Variants in ESYT3 observed in about 807,000 individuals in gnomAD.
The protein encoded by ESYT3 is extended synaptotagmin 3.
In ESYT3, 101 loss-of-function variants were observed where a neutral mutation model predicts 111.5. The ratio of observed to expected loss-of-function variants is 0.91; its 90% CI spans 0.77 to 1.07. The LOEUF is 1.07. ESYT3 is among the 50% of genes least tolerant of loss of function. The probability of loss-of-function intolerance (pLI) is 0.00; values close to 1 mark genes in which losing one functional copy is unlikely to be tolerated. For synonymous variants in ESYT3, 416 were observed against 446.8 expected (o/e 0.93, Z 0.87); for missense variants, 1,097 against 1,109.4 (o/e 0.99, Z 0.16).
At chr3:138,466,846 G>A (rs1006641308) in intron 10 of ESYT3, among the ~76,000 whole-genome samples, 1 of 152,158 alleles carries the variant, frequency 6.6e-6, no homozygotes, top group Non-Finnish European at 1.5e-5. Context: ...AGAGGGATCA[G>A]GTATGTCACA....
At chr3:138,436,904 A>T (rs772165659) in intron 1 of ESYT3, among the ~76,000 whole-genome samples, 1 of 152,220 alleles carries the variant, frequency 6.6e-6, no homozygotes, top group Non-Finnish European at 1.5e-5. Context: ...TAAAGGCAGT[A>T]TATCCGATAT....
chr3:138,466,063 T>C (rs1319493608), intron 10 of ESYT3, among the ~76,000 whole-genome samples: 1 of 152,220 alleles, frequency 6.6e-6, no homozygotes, highest in African/African-American at 2.4e-5. Context: ...TCTGCAGCTC[T>C]GAAAAACAAG....
At chr3:138,466,292 G>A (rs1040600184) in intron 10 of ESYT3, among the ~76,000 whole-genome samples, 2 of 152,184 alleles carry the variant, frequency 1.3e-5, no homozygotes, top group African/African-American at 4.8e-5. Flanking sequence ...TTGCTGTGTT[G>A]TTTAGCTTGT....
intron 7 of ESYT3, among the ~76,000 whole-genome samples, chr3:138,460,970 G>A (rs2032603431): frequency 1.3e-5 from 2 of 152,182 alleles, no homozygotes. Context: ...TGGTGCAGGG[G>A]GAGAGTGGCT....
intron 19 of ESYT3, 141 bp from the exon 20 acceptor site, chr3:138,474,080 T>C (rs1033990867): frequency 1.8e-6 from 2 of 1,093,128 alleles, no homozygotes; most frequent in East Asian, 2.4e-5. Context: ...CTTAAGCGTA[T>C]CTAATGCTGA....
chr3:138,455,358 A>T (rs1199591495), intron 3 of ESYT3, 30 bp downstream of exon 3: 1 of 1,612,860 alleles, frequency 6.2e-7, no homozygotes, highest in Non-Finnish European at 8.5e-7. Context: ...GTCAGCCTGG[A>T]CTGGCTGTGC....
chr3:138,445,096 G>C (rs1012195600), intron 1 of ESYT3, among the ~76,000 whole-genome samples: 20 of 152,220 alleles, frequency 1.3e-4, no homozygotes, highest in African/African-American at 4.8e-4. Flanking sequence ...CCGAGCAGCT[G>C]TACTGTAGCG....
chr3:138,473,735 GATAA>G (rs2033355672), intron 19 of ESYT3, 101 bp downstream of exon 19: 1 of 986,688 alleles, frequency 1.0e-6, no homozygotes, highest in South Asian at 1.5e-5. Context: ...ATAGTCCCAA[GATAA>G]ATAACACTTT....
chr3:138,465,850 A>C (rs189436090), intron 10 of ESYT3, among the ~76,000 whole-genome samples: 2 of 152,180 alleles, frequency 1.3e-5, no homozygotes, highest in African/African-American at 2.4e-5. Context: ...CTGGCTATCA[A>C]AATTTAAAAC....
intron 9 of ESYT3, among the ~76,000 whole-genome samples, chr3:138,464,788 C>A (rs2032840511): frequency 6.6e-6 from 1 of 152,180 alleles, no homozygotes; most frequent in Non-Finnish European, 1.5e-5. Context: ...CTCCACTCTT[C>A]TCAGCTTCCC....
At position 138,464,348 on chromosome 3, in the gene ESYT3, G is replaced by T; in HGVS notation, c.919G>T (p.Val307Leu). 1 of 1,614,036 alleles carries T rather than the reference G, an allele frequency of 6.2e-7. No homozygotes were observed. The highest frequency in any genetic ancestry group is 8.5e-7 in the Non-Finnish European group (1 of 1,179,940). The change falls in exon 9 of 23, where the codon GTG becomes TTG. Residue 307 changes from valine to leucine, a missense_variant. Val to Leu is a conservative substitution (Grantham distance 32). Coordinates refer to ENST00000389567, the MANE Select transcript of ESYT3 (RefSeq NM_031913.5). ...CCTGGGCTTGGACATTTTCCAGGGG[G>T]TGATCAGAGTGCACTTGCTGGAGGC... is the stretch of plus-strand genomic sequence containing the variant. Reference protein sequence around the residue: ...TNLRFPLPCGVIRVHLLEAEQ... With the variant: ...TNLRFPLPCGLIRVHLLEAEQ...
intron 1 of ESYT3, among the ~76,000 whole-genome samples, chr3:138,448,652 C>T (rs1240400279): frequency 6.6e-6 from 1 of 152,030 alleles, no homozygotes; most frequent in East Asian, 1.9e-4. Context: ...AAGATTTCTT[C>T]AAGTTCCAAA....
At chr3:138,449,111 G>T (rs1244652551) in intron 1 of ESYT3, among the ~76,000 whole-genome samples, 2 of 140,278 alleles carry the variant, frequency 1.4e-5, no homozygotes, top group African/African-American at 5.4e-5. Context: ...TTGAGATGGA[G>T]TCTTGCTCTG....
Position 138,462,142 on chromosome 3 carries a change from A to G in ESYT3, c.851A>G (p.Asn284Ser). 4 of 1,614,192 alleles carry G rather than the reference A, an allele frequency of 2.5e-6. No individual in the cohort carries two copies. The highest frequency in any genetic ancestry group is 3.4e-6 in the Non-Finnish European group (4 of 1,180,016). The change falls in exon 8 of 23, where the codon AAC becomes AGC. Residue 284 changes from asparagine (N) to serine (S), a missense_variant. Asn to Ser is a conservative substitution (Grantham distance 46). Coordinates refer to ENST00000389567, the MANE Select transcript of ESYT3 (RefSeq NM_031913.5). The stretch of plus-strand genomic sequence containing the variant: ...ATTGCCACCCACCTGGTGCTGCCCA[A>G]CCGTGTGACTGTGCCTGTGAAGAAG... ...DLIATHLVLP[N>S]RVTVPVKKGL...
At chr3:138,452,840 T>G (rs2108605903) in intron 2 of ESYT3, among the ~76,000 whole-genome samples, 1 of 152,292 alleles carries the variant, frequency 6.6e-6, no homozygotes, top group Non-Finnish European at 1.5e-5. Flanking sequence ...TGACTTAGGT[T>G]AGGTATAAGA....
intron 14 of ESYT3, 113 bp downstream of exon 14, chr3:138,468,994 G>C (rs1338181391): frequency 1.8e-6 from 2 of 1,139,474 alleles, no homozygotes; most frequent in Non-Finnish European, 2.7e-6. Flanking sequence ...ACAGCCTGGG[G>C]ATAACAAGAG....
intron 1 of ESYT3, among the ~76,000 whole-genome samples, chr3:138,446,850 A>C (rs1457711497): frequency 6.6e-6 from 1 of 152,172 alleles, no homozygotes; most frequent in Admixed American, 6.5e-5. Flanking sequence ...ACATGACCTA[A>C]TCCCGTCTCT....
chr3:138,461,166 G>C (rs1424927253), intron 7 of ESYT3, among the ~76,000 whole-genome samples: 2 of 152,242 alleles, frequency 1.3e-5, no homozygotes, highest in East Asian at 3.8e-4. Context: ...ACTCAGCTGT[G>C]TGGTGGTGGC....
At chr3:138,436,850 C>G (rs2030738666) in intron 1 of ESYT3, among the ~76,000 whole-genome samples, 1 of 152,238 alleles carries the variant, frequency 6.6e-6, no homozygotes, top group Admixed American at 6.5e-5. Flanking sequence ...CCCTTCTTTT[C>G]TCCCCTTCTG....
Sources: gnomAD v4.1 joint callset for allele counts (sites outside exome capture counted in the v4.1 genomes callset) on GRCh38, gnomAD v4.1.1 for gene constraint, MANE v1.5 for transcripts, NCBI Gene and HGNC (gene_info 2026-07-23, HGNC 2026-07-21) for gene names.